The following SEPTIN9 variants were observed in gnomAD, a reference collection of about 807,000 sequenced individuals.
The protein encoded by SEPTIN9 is septin-9.
A neutral mutation model predicts 56.6 loss-of-function variants in SEPTIN9; 13 were observed. The ratio of observed to expected loss-of-function variants is 0.23; its 90% CI spans 0.15 to 0.37. The LOEUF is 0.37. Among genes scored for constraint, SEPTIN9 ranks in the 10% least tolerant of loss-of-function variants. The pLI is 1.00. For missense variants in SEPTIN9, 650 were observed against 823.1 expected (o/e 0.79, Z 2.57); for synonymous variants, 332 against 334.1 (o/e 0.99, Z 0.07).
At position 77,310,720 on chromosome 17, in the gene SEPTIN9, C is replaced by T. The variant is rs2032458146; in HGVS notation, c.76+3523C>T. Among the ~76,000 whole-genome samples the T allele has an allele frequency of 6.6e-6, 1 of 152,180 alleles. No homozygotes were observed. Among genetic ancestry groups the T allele is most frequent in the Non-Finnish European group, 1.5e-5 (1 of 68,022 alleles). On this transcript the variant is annotated intron_variant, in intron 2 of 11. Coordinates refer to ENST00000427177, the MANE Select transcript of SEPTIN9 (RefSeq NM_001113491.2). The surrounding 1 kb of genome is among the most constrained non-coding windows in gnomAD (Gnocchi z 4.7). ...TTTTCTGTGCCTCAGGCAGCCGCCT[C>T]TCTGACTGAGCGTCCAGCGGACTTT...
chr17:77,486,360 T>C (rs1773554911), intron 4 of SEPTIN9, among the ~76,000 whole-genome samples: 1 of 152,130 alleles, frequency 6.6e-6, no homozygotes, highest in Non-Finnish European at 1.5e-5. Context: ...TGCCTCAGCC[T>C]CCCAAAGTGC....
chr17:77,467,415 C>A (rs2038790586), intron 3 of SEPTIN9, among the ~76,000 whole-genome samples: 1 of 152,188 alleles, frequency 6.6e-6, no homozygotes, highest in Non-Finnish European at 1.5e-5. Context: ...CTGGGAGAGA[C>A]CCCAGGGGCC....
rs1431233902 is a variant in SEPTIN9 at position 77,488,857 on chromosome 17, G to A, written c.1255G>A (p.Gly419Ser). 2.5e-6 allele frequency: 4 copies of A among 1,613,426 alleles called. No individual in the cohort carries two copies. Among genetic ancestry groups the A allele is most frequent in the Non-Finnish European group, 3.4e-6 (4 of 1,179,862 alleles). ...HCCLYFIPAT[G>S]HSLRPLDIEF... ...CTGCCTCTACTTCATCCCCGCCACC[G>A]GCCACTCGTACGTCCCTGCAGTGTC... The change falls in exon 7 of 12, where the codon GGC becomes AGC. Residue 419 changes from glycine (G) to serine (S), a missense_variant. Gly to Ser is a moderately conservative substitution (Grantham distance 56). This residue lies in a region of SEPTIN9 where 333 missense variants were observed against 494.0 expected (regional missense o/e 0.67). Coordinates refer to ENST00000427177, the MANE Select transcript of SEPTIN9 (RefSeq NM_001113491.2).
chr17:77,349,735 A>G (rs977831616), intron 2 of SEPTIN9, among the ~76,000 whole-genome samples: 1 of 152,208 alleles, frequency 6.6e-6, no homozygotes, highest in African/African-American at 2.4e-5. Flanking sequence ...GAGATATTCT[A>G]TACTGACTCC....
Position 77,373,490 on chromosome 17 carries a change from C to A in SEPTIN9, c.77-28569C>A, listed in dbSNP as rs1004084131. ...GCCCTCCGCGCGACCCGCTGCCCACCAGCCATCATGTCGGACCCCGCGGTC... is the reference window on the plus strand; with the variant it reads ...GCCCTCCGCGCGACCCGCTGCCCACAAGCCATCATGTCGGACCCCGCGGTC... On this transcript the variant is annotated intron_variant, in intron 2 of 11. Transcript: ENST00000427177. 9.8e-6 allele frequency: 15 copies of A among 1,534,158 alleles called. No homozygotes were observed. The African/African-American group carries it at 2.1e-4, about 22-fold the overall frequency.
intron 1 of SEPTIN9, among the ~76,000 whole-genome samples, chr17:77,287,562 A>C (rs1032646967): frequency 6.6e-6 from 1 of 152,166 alleles, no homozygotes; most frequent in Non-Finnish European, 1.5e-5. Context: ...CCAGCTCTGC[A>C]GGGTGGCCTG....
At chr17:77,430,152 C>T (rs2037071669) in intron 3 of SEPTIN9, among the ~76,000 whole-genome samples, 1 of 152,126 alleles carries the variant, frequency 6.6e-6, no homozygotes, top group Non-Finnish European at 1.5e-5. Context: ...CTCCCAGCCC[C>T]TGTTCTCCCA....
chr17:77,433,105 T>G lies in SEPTIN9; in HGVS notation c.721+30402T>G, dbSNP rs1000681523. 2.0e-5 allele frequency among the ~76,000 whole-genome samples: 3 copies of G among 152,206 alleles called. No individual in the cohort carries two copies. Among genetic ancestry groups the G allele is most frequent in the Non-Finnish European group, 4.4e-5 (3 of 68,020 alleles). On this transcript the variant is annotated intron_variant, in intron 3 of 11. Transcript: ENST00000427177. The surrounding 1 kb of genome is among the most constrained non-coding windows in gnomAD (Gnocchi z 6.4). ...GAGAGACAGAAACCCCAACTCTGAA[T>G]GGCTTCAGCCCTCAAGAGAATTTGG...
At chr17:77,305,006 G>C (rs1774249941) in intron 1 of SEPTIN9, among the ~76,000 whole-genome samples, 1 of 152,078 alleles carries the variant, frequency 6.6e-6, no homozygotes, top group Admixed American at 6.5e-5. Context: ...GCCCACCGGA[G>C]CTGCACTCTG....
chr17:77,349,324 C>T (rs2033985765), intron 2 of SEPTIN9, among the ~76,000 whole-genome samples: 1 of 152,116 alleles, frequency 6.6e-6, no homozygotes, highest in Non-Finnish European at 1.5e-5. Flanking sequence ...ACCATGATGG[C>T]CAGGCTGGTC....
In SEPTIN9 at chr17:77,487,561, CCGGGAGTGGGCTGGGGG is replaced by C. The variant is rs1193747071; in HGVS notation, c.1042+10_1042+26del. The C allele has an allele frequency of 6.2e-7, 1 of 1,612,552 alleles. No homozygotes were observed. Among genetic ancestry groups the C allele is most frequent in the African/African-American group, 1.3e-5 (1 of 74,700 alleles). On this transcript the variant is annotated intron_variant, in intron 5 of 11. Transcript: ENST00000427177. This position sits in a 1 kb window ranked among gnomAD's most constrained non-coding sequence, Gnocchi z 4.3. ...CAAGTCCATCACGCACGGTCAGTGG[CCGGGAGTGGGCTGGGGG>C]TGCAGGACGCCCCTGCCTTCCTGGA...
At chr17:77,316,758 G>A (rs2032726378) in intron 2 of SEPTIN9, among the ~76,000 whole-genome samples, 1 of 151,148 alleles carries the variant, frequency 6.6e-6, no homozygotes. Flanking sequence ...CCCAGCCAGG[G>A]TGCAGTAGTG....
At chr17:77,288,589 C>T (rs138741639) in intron 1 of SEPTIN9, among the ~76,000 whole-genome samples, 12 of 152,352 alleles carry the variant, frequency 7.9e-5, no homozygotes, top group African/African-American at 2.6e-4. Context: ...TGAACTATGG[C>T]TCCTGTTTCC....
In SEPTIN9 at chr17:77,371,361, G is replaced by T. The variant is rs917320747; in HGVS notation, c.77-30698G>T. On this transcript the variant is annotated intron_variant, in intron 2 of 11. Transcript: ENST00000427177. This position sits in a 1 kb window ranked among gnomAD's most constrained non-coding sequence, Gnocchi z 4.1. Reference sequence around the variant, plus strand: ...ACTAAATATGTTTGCTGCACTGTGCGTGGAGATGGAGAATGTACAATTGGC... The same window carrying T: ...ACTAAATATGTTTGCTGCACTGTGCTTGGAGATGGAGAATGTACAATTGGC... Among the ~76,000 whole-genome samples, 1 of 152,244 alleles carries T rather than the reference G, an allele frequency of 6.6e-6. No homozygotes were observed.
intron 3 of SEPTIN9, chr17:77,454,012 A>T (rs1408437906): frequency 2.1e-6 from 2 of 973,298 alleles, no homozygotes; most frequent in Non-Finnish European, 2.4e-6. Flanking sequence ...CCTTTCCCAT[A>T]CACCCCGGAT....
intron 2 of SEPTIN9, among the ~76,000 whole-genome samples, chr17:77,392,845 C>T (rs906060417): frequency 4.6e-5 from 7 of 152,142 alleles, no homozygotes; most frequent in African/African-American, 1.7e-4. Flanking sequence ...CTGGGGGCCG[C>T]CCTCCACTGA....
rs150945557 is a variant in SEPTIN9 at position 77,308,829 on chromosome 17, A to G, written c.76+1632A>G. Among the ~76,000 whole-genome samples the G allele has an allele frequency of 4.1e-3, 624 of 152,272 alleles. 2 individuals carry two copies. The highest frequency in any genetic ancestry group is 0.015 in the African/African-American group (603 of 41,564). ...GACAGTGGAGAGGGTGGCTTTTTAC[A>G]GGGAGTGGGAGTGGAGGGGATGCCG... On this transcript the variant is annotated intron_variant, in intron 2 of 11. Coordinates refer to ENST00000427177, the MANE Select transcript of SEPTIN9 (RefSeq NM_001113491.2).
intron 1 of SEPTIN9, among the ~76,000 whole-genome samples, chr17:77,285,425 T>G (rs1363781969): frequency 2.6e-5 from 4 of 151,958 alleles, no homozygotes; most frequent in Non-Finnish European, 5.9e-5. Context: ...TGAGATGGAG[T>G]CTTGCTCTGT....
Position 77,369,376 on chromosome 17 carries a change from C to T in SEPTIN9, c.77-32683C>T, listed in dbSNP as rs765642359. Among the ~76,000 whole-genome samples, 2 of 152,192 alleles carry T rather than the reference C, an allele frequency of 1.3e-5. No individual in the cohort carries two copies. The highest frequency in any genetic ancestry group is 2.4e-5 in the African/African-American group (1 of 41,436). On this transcript the variant is annotated intron_variant, in intron 2 of 11. Coordinates refer to ENST00000427177, the MANE Select transcript of SEPTIN9 (RefSeq NM_001113491.2). This position sits in a 1 kb window ranked among gnomAD's most constrained non-coding sequence, Gnocchi z 4.9. ...TTGTTGACCGTTAACTGGCACACTA[C>T]TGGAGGAGGGAGGTTCAGACTGATT...
Sources: gnomAD v4.1 joint callset for allele counts (sites outside exome capture counted in the v4.1 genomes callset) on GRCh38, gnomAD v4.1.1 for gene constraint, gnomAD v4.1.1 regional missense constraint, Gnocchi (gnomAD v3.1) non-coding constraint, MANE v1.5 for transcripts, NCBI Gene and HGNC (gene_info 2026-07-23, HGNC 2026-07-21) for gene names.